SLC19A3: variants seen among roughly 807,000 people sequenced by gnomAD.
The protein encoded by SLC19A3 is thiamine transporter 2.
Under a neutral mutation model 40.2 loss-of-function variants are expected in SLC19A3, and 31 were observed. That is an observed-to-expected ratio of 0.77 (90% CI 0.58 to 1.04). SLC19A3 has a LOEUF of 1.04. Ranked by LOEUF, SLC19A3 falls within the 50% of genes least tolerant of loss-of-function variation. The pLI is 0.00. For synonymous variants in SLC19A3, 212 were observed against 227.5 expected (o/e 0.93, Z 0.61); for missense variants, 592 against 596.7 (o/e 0.99, Z 0.08).
At chr2:227,688,552 C>T (rs1410849605) in intron 4 of SLC19A3, among the ~76,000 whole-genome samples, 2 of 152,148 alleles carry the variant, frequency 1.3e-5, no homozygotes, top group African/African-American at 4.8e-5. Context: ...TAAGAGTCTG[C>T]TAGAACCACA....
rs974434874 is a variant in SLC19A3 at position 227,698,981 on chromosome 2, T to C, written c.734A>G (p.Asn245Ser). 3.3e-5 allele frequency: 53 copies of C among 1,614,124 alleles called. No homozygotes were observed. The highest frequency in any genetic ancestry group is 4.2e-5 in the Non-Finnish European group (49 of 1,180,052). The change falls in exon 3 of 6, where the codon AAT becomes AGT. Residue 245 changes from asparagine (N) to serine (S), a missense_variant. Coordinates refer to ENST00000644224, the MANE Select transcript of SLC19A3 (RefSeq NM_025243.4). Reference sequence around the variant, plus strand: ...TTTCAGGCTGTTCAGCTGGCCCTTATTCAGCTTCCCTGAAGTGCTGAGTAT... The same window carrying C: ...TTTCAGGCTGTTCAGCTGGCCCTTACTCAGCTTCCCTGAAGTGCTGAGTAT... ...SEILSTSGKL[N>S]KGQLNSLKPS...
intron 1 of SLC19A3, among the ~76,000 whole-genome samples, chr2:227,712,276 A>C (rs1245384467): frequency 6.6e-6 from 1 of 152,018 alleles, no homozygotes; most frequent in Non-Finnish European, 1.5e-5. Context: ...CACAAAGGCA[A>C]AGAAATTAGA....
intron 4 of SLC19A3, among the ~76,000 whole-genome samples, chr2:227,694,838 T>G (rs1695366549): frequency 6.6e-6 from 1 of 152,174 alleles, no homozygotes; most frequent in Non-Finnish European, 1.5e-5. Context: ...GAGGATTACT[T>G]GAGCCCAGGA....
At chr2:227,696,768 G>C (rs1175957804) in intron 3 of SLC19A3, among the ~76,000 whole-genome samples, 1 of 152,130 alleles carries the variant, frequency 6.6e-6, no homozygotes, top group Non-Finnish European at 1.5e-5. Flanking sequence ...CTTTAACAAA[G>C]GTAAAAGGTA....
intron 1 of SLC19A3, chr2:227,702,710 A>G (rs1354408022): frequency 5.0e-6 from 1 of 199,010 alleles, no homozygotes; most frequent in African/African-American, 2.4e-5. Flanking sequence ...AAGAAACAAA[A>G]AACAAAAAAC....
chr2:227,704,548 A>G (rs1340492800), intron 1 of SLC19A3, among the ~76,000 whole-genome samples: 1 of 152,168 alleles, frequency 6.6e-6, no homozygotes, highest in African/African-American at 2.4e-5. Context: ...CCTTTAACAA[A>G]CATCAGAGCC....
At chr2:227,706,301 T>C in intron 1 of SLC19A3, 1 of 1,231,666 alleles carries the variant, frequency 8.1e-7, no homozygotes, top group African/African-American at 1.5e-5. Flanking sequence ...TGACTTGATT[T>C]TCTGAGTTCA....
chr2:227,707,397 C>T (rs1331799549), intron 1 of SLC19A3, among the ~76,000 whole-genome samples: 4 of 152,000 alleles, frequency 2.6e-5, no homozygotes, highest in Admixed American at 6.5e-5. Flanking sequence ...CTAGCCTGAG[C>T]GACACGGTGA....
rs1313010886 is a variant in SLC19A3, at chr2:227,699,573, T to C, written c.151-9A>G. 1 of 1,612,968 alleles carries C rather than the reference T, an allele frequency of 6.2e-7. No individual in the cohort carries two copies. The highest frequency in any genetic ancestry group is 8.5e-7 in the Non-Finnish European group (1 of 1,179,096). ...AAGATCTCATTTGTTATCTGCAAAGTTGGTAAATTGCATGACCACGAAGCA... is the reference window on the plus strand; with the variant it reads ...AAGATCTCATTTGTTATCTGCAAAGCTGGTAAATTGCATGACCACGAAGCA... On this transcript the variant is annotated splice_polypyrimidine_tract_variant and intron_variant, in intron 2 of 5. Transcript: ENST00000644224.
At chr2:227,691,932 G>C (rs892780843) in intron 4 of SLC19A3, among the ~76,000 whole-genome samples, 1 of 152,120 alleles carries the variant, frequency 6.6e-6, no homozygotes, top group Admixed American at 6.5e-5. Context: ...ATCATCAGTG[G>C]CTACTATGAG....
At chr2:227,717,615 T>C (rs575067401) in intron 1 of SLC19A3, among the ~76,000 whole-genome samples, 5 of 152,378 alleles carry the variant, frequency 3.3e-5, no homozygotes, top group Admixed American at 3.3e-4. Context: ...TTTGGAATTC[T>C]ATGCTAAAAT....
Position 227,688,202 on chromosome 2 carries a change from T to C in SLC19A3, c.1278A>G (p.Val426=). The change falls in exon 5 of 6, where the codon GTA becomes GTG. Residue 426 remains valine, a synonymous_variant. Coordinates refer to ENST00000644224, the MANE Select transcript of SLC19A3 (RefSeq NM_025243.4). ...CTGGCAAGTTGAGCCCTCTCTGATC[T>C]ACTACAATCACAGTCATGATGGTCT... ...VIQTIMTVIV[V]DQRGLNLPVS... 6.2e-7 allele frequency: 1 copy of C among 1,614,108 alleles called. No homozygotes were observed. Among genetic ancestry groups the C allele is most frequent in the Non-Finnish European group, 8.5e-7 (1 of 1,179,970 alleles).
At chr2:227,690,967 C>T (rs974502005) in intron 4 of SLC19A3, among the ~76,000 whole-genome samples, 2 of 152,100 alleles carry the variant, frequency 1.3e-5, no homozygotes, top group African/African-American at 4.8e-5. Flanking sequence ...CCACAGAATA[C>T]ACATTGTTCT....
intron 4 of SLC19A3, among the ~76,000 whole-genome samples, chr2:227,693,047 A>C (rs1003000646): frequency 4.6e-5 from 7 of 152,126 alleles, no homozygotes; most frequent in Non-Finnish European, 8.8e-5. Context: ...TGAAGAGGAC[A>C]CACACACACA....
chr2:227,715,250 A>ACC (rs200050955), intron 1 of SLC19A3, among the ~76,000 whole-genome samples: 1 of 138,612 alleles, frequency 7.2e-6, no homozygotes, highest in Non-Finnish European at 1.6e-5. Context: ...CAAACCCCAC[A>ACC]CCCCCCCCAA....
At position 227,695,898 on chromosome 2, in the gene SLC19A3, G is replaced by T; in HGVS notation, c.1163C>A (p.Thr388Asn). Residue 388 changes from threonine to asparagine, a missense_variant, in exon 4 of 6, where the codon ACC becomes AAC. By Grantham distance (65) the Thr-to-Asn change is moderately conservative. Coordinates refer to ENST00000644224, the MANE Select transcript of SLC19A3 (RefSeq NM_025243.4). ...IFKSSYMLLI[T>N]IAVFQIAVNL... ...GGTTGGTAAAACTTACACTGCTATG[G>T]TTATAAGAAGCATATAGCTGGACTT... is the stretch of plus-strand genomic sequence containing the variant. 6.2e-7 allele frequency: 1 copy of T among 1,614,020 alleles called. No individual in the cohort carries two copies. Among genetic ancestry groups the T allele is most frequent in the Non-Finnish European group, 8.5e-7 (1 of 1,179,996 alleles).
intron 4 of SLC19A3, among the ~76,000 whole-genome samples, chr2:227,690,827 G>A (rs551287261): frequency 1.1e-4 from 16 of 151,198 alleles, no homozygotes; most frequent in African/African-American, 3.4e-4. Context: ...AATAGTTGGA[G>A]ACTTTAAAAC....
chr2:227,688,130 G>A, intron 5 of SLC19A3, 36 bp downstream of exon 5: 2 of 1,613,152 alleles, frequency 1.2e-6, no homozygotes, highest in Non-Finnish European at 1.7e-6. Context: ...AAATTTTTGA[G>A]GTTACCTAGT....
Position 227,697,816 on chromosome 2 carries a change from G to A in SLC19A3, c.979+920C>T, listed in dbSNP as rs1401196433. ...CTTGTGGCTGGGCGTGGTGGCTCAC[G>A]CCTGTAATCCCAGCACTTTTGGAGG... On this transcript the variant is annotated intron_variant, in intron 3 of 5. Transcript: ENST00000644224. 2.6e-5 allele frequency among the ~76,000 whole-genome samples: 4 copies of A among 152,114 alleles called. 1 individual carries two copies. In the East Asian group the frequency reaches 5.8e-4, roughly 22 times the overall value.
Sources: gnomAD v4.1 joint callset for allele counts (sites outside exome capture counted in the v4.1 genomes callset) on GRCh38, gnomAD v4.1.1 for gene constraint, MANE v1.5 for transcripts, NCBI Gene and HGNC (gene_info 2026-07-23, HGNC 2026-07-21) for gene names.